SLC25A13: variants seen among roughly 807,000 people sequenced by gnomAD.
The protein encoded by SLC25A13 is electrogenic aspartate/glutamate antiporter SLC25A13, mitochondrial.
Under a neutral mutation model 85.5 loss-of-function variants are expected in SLC25A13, and 70 were observed. The ratio of observed to expected loss-of-function variants is 0.82; its 90% confidence interval spans 0.68 to 1.00. The LOEUF (loss-of-function observed/expected upper bound fraction) is 1.00. Among genes scored for constraint, SLC25A13 ranks in the 50% least tolerant of loss-of-function variants. SLC25A13 has a pLI of 0.00. For synonymous variants in SLC25A13, 259 were observed against 288.7 expected (o/e 0.90, Z 1.04); for missense variants, 765 against 819.8 (o/e 0.93, Z 0.82).
In SLC25A13 at chr7:96,275,212, G is replaced by T. The variant is rs540702167; in HGVS notation, c.212+1984C>A. On this transcript the variant is annotated intron_variant, in intron 3 of 17. Coordinates refer to ENST00000265631, the MANE Select transcript of SLC25A13 (RefSeq NM_014251.3). ...TGGTTTGTAGTTCAGTTAGAATGGC[G>T]ATCATTAAAAAGTCAGGAAACAACA... is the stretch of plus-strand genomic sequence containing the variant. Among the ~76,000 whole-genome samples, 6 of 152,058 alleles carry T rather than the reference G, an allele frequency of 3.9e-5. No homozygotes were observed. The South Asian group carries it at 1.2e-3, about 32-fold the overall frequency.
intron 4 of SLC25A13, chr7:96,219,605 C>T (rs1246385394): frequency 2.0e-6 from 1 of 495,646 alleles, no homozygotes; most frequent in Non-Finnish European, 4.2e-6. Context: ...GTAGGAACTA[C>T]ATTCCCTTGG....
chr7:96,237,845 A>G (rs1796801058), intron 3 of SLC25A13, among the ~76,000 whole-genome samples: 2 of 152,224 alleles, frequency 1.3e-5, no homozygotes, highest in Non-Finnish European at 2.9e-5. Flanking sequence ...CCAAAGATAA[A>G]CAAGAAAAAA....
chr7:96,235,991 G>A (rs916730018), intron 3 of SLC25A13, among the ~76,000 whole-genome samples: 12 of 152,162 alleles, frequency 7.9e-5, no homozygotes, highest in African/African-American at 2.2e-4. Flanking sequence ...CAAGTTTCCG[G>A]AGGATATGGA....
intron 1 of SLC25A13, among the ~76,000 whole-genome samples, chr7:96,298,413 T>A (rs1799429429): frequency 6.6e-6 from 1 of 152,160 alleles, no homozygotes; most frequent in South Asian, 2.1e-4. Flanking sequence ...CCACCAAGGC[T>A]ATTCATAAGA....
intron 1 of SLC25A13, among the ~76,000 whole-genome samples, chr7:96,304,292 T>TAA (rs1335705730): frequency 6.6e-6 from 1 of 152,206 alleles, no homozygotes; most frequent in African/African-American, 2.4e-5. Flanking sequence ...AGTTGACTTA[T>TAA]AAAGTATCAG....
intron 1 of SLC25A13, among the ~76,000 whole-genome samples, chr7:96,301,978 T>A (rs1019533231): frequency 6.6e-6 from 1 of 152,130 alleles, no homozygotes. Flanking sequence ...GTTTCTTCCA[T>A]AAACTGGGAA....
chr7:96,162,823 A>C (rs1793565421), intron 13 of SLC25A13, among the ~76,000 whole-genome samples: 1 of 152,238 alleles, frequency 6.6e-6, no homozygotes, highest in Non-Finnish European at 1.5e-5. Context: ...GAGAGTAGCC[A>C]GTTCCTAATG....
At chr7:96,292,934 A>T (rs1310893419) in intron 2 of SLC25A13, among the ~76,000 whole-genome samples, 1 of 152,346 alleles carries the variant, frequency 6.6e-6, no homozygotes, top group African/African-American at 2.4e-5. Context: ...AACTACTTTA[A>T]AGTTCATATG....
chr7:96,170,166 A>C (rs773994141), intron 12 of SLC25A13, 41 bp from the exon 13 acceptor site: 4 of 1,560,494 alleles, frequency 2.6e-6, no homozygotes, highest in Non-Finnish European at 3.5e-6. Context: ...AAAAATATAA[A>C]GAAAGTCATT....
At position 96,214,349 on chromosome 7, in the gene SLC25A13, G is replaced by A. The variant is rs145066504; in HGVS notation, c.329-5372C>T. ...TTATTAGAACTAATAAATAAGTCTAGCAAGGTTGGAAGACAGAAAAATCAA... is the reference window on the plus strand; with the variant it reads ...TTATTAGAACTAATAAATAAGTCTAACAAGGTTGGAAGACAGAAAAATCAA... On this transcript the variant is annotated intron_variant, in intron 4 of 17. Transcript: ENST00000265631. Among the ~76,000 whole-genome samples, 1,482 of 152,284 alleles carry A rather than the reference G, an allele frequency of 9.7e-3. 18 individuals carry two copies. The highest frequency in any genetic ancestry group is 0.033 in the African/African-American group (1,382 of 41,550).
chr7:96,145,973 G>A (rs926708769), intron 14 of SLC25A13, among the ~76,000 whole-genome samples: 1 of 152,042 alleles, frequency 6.6e-6, no homozygotes, highest in Non-Finnish European at 1.5e-5. Context: ...TATACATTAT[G>A]TTTGATAAAG....
At chr7:96,194,517 A>G (rs1049227322) in intron 5 of SLC25A13, among the ~76,000 whole-genome samples, 1 of 148,058 alleles carries the variant, frequency 6.8e-6, no homozygotes, top group African/African-American at 2.5e-5. Context: ...AATATAATGG[A>G]GTTTTTTTAG....
chr7:96,280,236 T>C (rs1274437346), intron 2 of SLC25A13, among the ~76,000 whole-genome samples: 1 of 152,190 alleles, frequency 6.6e-6, no homozygotes, highest in Non-Finnish European at 1.5e-5. Context: ...GACTAGTACC[T>C]GGTAGATAGT....
intron 11 of SLC25A13, among the ~76,000 whole-genome samples, chr7:96,173,367 C>T (rs1794087399): frequency 6.6e-6 from 1 of 152,158 alleles, no homozygotes; most frequent in Non-Finnish European, 1.5e-5. Flanking sequence ...AAAGTAATTT[C>T]TTCCAAGTTA....
chr7:96,283,537 A>C (rs1798765108), intron 2 of SLC25A13: 2 of 365,508 alleles, frequency 5.5e-6, no homozygotes, highest in East Asian at 1.4e-4. Flanking sequence ...CCATGGCAAA[A>C]GTAGAGGAGT....
chr7:96,132,968 C>T (rs1375617871), intron 14 of SLC25A13, among the ~76,000 whole-genome samples: 1 of 152,208 alleles, frequency 6.6e-6, no homozygotes, highest in Non-Finnish European at 1.5e-5. Context: ...CTGACTCAAA[C>T]TGAGCTTGTG....
chr7:96,241,072 AAGAAAGAAAGAAAG>A (rs1562870852), intron 3 of SLC25A13, among the ~76,000 whole-genome samples: 1 of 150,128 alleles, frequency 6.7e-6, no homozygotes, highest in Non-Finnish European at 1.5e-5. Context: ...GAAAGAAAGA[AAGAAAGAAAGAAAG>A]AAAGAAAGAA....
At chr7:96,218,749 G>A (rs998756678) in intron 4 of SLC25A13, among the ~76,000 whole-genome samples, 1 of 152,030 alleles carries the variant, frequency 6.6e-6, no homozygotes, top group Non-Finnish European at 1.5e-5. Flanking sequence ...AACACAAAAG[G>A]GATGTTTGTG....
intron 4 of SLC25A13, among the ~76,000 whole-genome samples, chr7:96,224,688 C>G (rs150727102): frequency 6.6e-6 from 1 of 152,200 alleles, no homozygotes; most frequent in African/African-American, 2.4e-5. Flanking sequence ...CGTTCTCTTC[C>G]TTATTACTTT....
Sources: allele counts gnomAD v4.1 joint callset (sites outside exome capture counted in the v4.1 genomes callset), GRCh38; gene constraint gnomAD v4.1.1; transcripts MANE v1.5; gene names NCBI Gene and HGNC (gene_info 2026-07-23, HGNC 2026-07-21).